The following TMC4 variants were observed in gnomAD, a reference collection of about 807,000 sequenced individuals.
TMC4 encodes transmembrane channel like 4, also known as voltage-gated chloride channel TMC4.
TMC4 carries 70 observed loss-of-function variants against 82.0 expected under a neutral mutation model. The ratio of observed to expected loss-of-function variants is 0.85; its 90% CI spans 0.70 to 1.04. The LOEUF (loss-of-function observed/expected upper bound fraction) is 1.04. Among genes scored for constraint, TMC4 ranks in the 50% least tolerant of loss-of-function variants. The probability of loss-of-function intolerance (pLI) is 0.00; values close to 1 mark genes in which losing one functional copy is unlikely to be tolerated. For missense variants in TMC4, 879 were observed against 899.0 expected (o/e 0.98, Z 0.28); for synonymous variants, 446 against 406.0 (o/e 1.10, Z -1.18).
chr19:54,168,014 G>A (rs1445500667), intron 5 of TMC4, among the ~76,000 whole-genome samples, 157 bp downstream of exon 5: 1 of 150,994 alleles, frequency 6.6e-6, no homozygotes, highest in Non-Finnish European at 1.5e-5. Context: ...AGTGAGCCGA[G>A]ATTGCGCCAC....
At chr19:54,161,287 G>A (rs753395968) in intron 11 of TMC4, 27 bp from the exon 12 acceptor site, 3 of 1,488,566 alleles carry the variant, frequency 2.0e-6, no homozygotes, top group Non-Finnish European at 2.7e-6. Context: ...CGGAGAAAAG[G>A]GCTCTGAAAC....
Position 54,168,303 on chromosome 19 carries a change from A to G in TMC4, c.676-11T>C. On this transcript the variant is annotated splice_polypyrimidine_tract_variant and intron_variant, in intron 4 of 14. Coordinates refer to ENST00000619895, the MANE Select transcript of TMC4 (RefSeq NM_144686.4). ...CCATTCCAGGTAACCCTGTGGGGGG[A>G]AGGCGGCGCAGGGGCCACTGTGGGA... 6.5e-7 allele frequency: 1 copy of G among 1,549,236 alleles called. No individual in the cohort carries two copies.
intron 2 of TMC4, 78 bp downstream of exon 2, chr19:54,171,792 G>A (rs1340448818): frequency 4.4e-6 from 6 of 1,349,706 alleles, no homozygotes; most frequent in Non-Finnish European, 6.0e-6. Context: ...AGAGGACAGA[G>A]GGAGGAGACC....
At chr19:54,172,258 C>A (rs2075918871) in intron 1 of TMC4, among the ~76,000 whole-genome samples, 175 bp from the exon 2 acceptor site, 5 of 27,014 alleles carry the variant, frequency 1.9e-4, no homozygotes, top group African/African-American at 7.0e-4. Context: ...TCCCTCAGAC[C>A]CAGGAGTCCA....
chr19:54,165,273 C>T, intron 6 of TMC4, 146 bp downstream of exon 6: 1 of 980,526 alleles, frequency 1.0e-6, no homozygotes, highest in Non-Finnish European at 1.4e-6. Flanking sequence ...TCTCAACCTT[C>T]TCATTCCCCA....
chr19:54,168,368 G>T, intron 4 of TMC4, 76 bp from the exon 5 acceptor site: 1 of 1,525,052 alleles, frequency 6.6e-7, no homozygotes. Flanking sequence ...AGGGTCTGGG[G>T]TCAGGGTTTG....
chr19:54,164,862 T>A, intron 6 of TMC4: 2 of 561,510 alleles, frequency 3.6e-6, no homozygotes, highest in Non-Finnish European at 3.1e-6. Context: ...GCCCCGCCCC[T>A]GAGGCTCCGC....
intron 3 of TMC4, 41 bp downstream of exon 3, chr19:54,169,471 C>A: frequency 1.3e-6 from 2 of 1,586,834 alleles, no homozygotes; most frequent in Non-Finnish European, 1.7e-6. Context: ...ACCCAGGAGT[C>A]CAGGCCCTGC....
chr19:54,165,962 C>T (rs1013138619), intron 5 of TMC4, among the ~76,000 whole-genome samples: 10 of 152,086 alleles, frequency 6.6e-5, no homozygotes, highest in African/African-American at 2.4e-4. Flanking sequence ...AAAGGGGAAA[C>T]TACATCTACA....
At position 54,172,082 on chromosome 19, in the gene TMC4, G is replaced by T; in HGVS notation, c.81C>A (p.Gly27=). Reference sequence around the variant, plus strand: ...CGTTCAGCACAGAAGACAGCGATGGGCCTGGGGAGGAGCAGGGGGCTGGGA... The same window carrying T: ...CGTTCAGCACAGAAGACAGCGATGGTCCTGGGGAGGAGCAGGGGGCTGGGA... ...EWLAPREARG[G]PSLSSVLNEL... The change falls in exon 2 of 15, where the codon GGC becomes GGA. Residue 27 remains glycine, a splice_region_variant and synonymous_variant. Transcript: ENST00000619895. The T allele has an allele frequency of 6.4e-7, 1 of 1,571,758 alleles. No homozygotes were observed.
chr19:54,169,531 C>G lies in TMC4; in HGVS notation c.423G>C (p.Trp141Cys), dbSNP rs147493600. 5.6e-6 allele frequency: 9 copies of G among 1,613,242 alleles called. No individual in the cohort carries two copies. The highest frequency in any genetic ancestry group is 1.3e-5 in the African/African-American group (1 of 74,884). Residue 141 changes from tryptophan to cysteine, a missense_variant, in exon 3 of 15, where the codon TGG (tryptophan) becomes TGC (cysteine). By Grantham distance (215) the Trp-to-Cys change is radical. Coordinates refer to ENST00000619895, the MANE Select transcript of TMC4 (RefSeq NM_144686.4). ...CCGCACCCCCGATCCTCTTCAGTGT[C>G]CACGCCCAGGGCTGCAGGCTTCGCA... ...EGLRSLQPWA[W>C]TLKRIGGQFG...
intron 3 of TMC4, 66 bp downstream of exon 3, chr19:54,169,446 C>T: frequency 1.3e-6 from 2 of 1,532,722 alleles, no homozygotes; most frequent in Admixed American, 2.0e-5. Flanking sequence ...CCGTCCCCAG[C>T]CCCTCCTCCC....
chr19:54,162,348 C>G (rs992792027), intron 10 of TMC4, 63 bp from the exon 11 acceptor site: 8 of 1,283,620 alleles, frequency 6.2e-6, no homozygotes, highest in Non-Finnish European at 7.1e-6. Flanking sequence ...TTCCACGCCT[C>G]CACCGCCCCG....
chr19:54,172,702 G>T, intron 1 of TMC4: 1 of 293,712 alleles, frequency 3.4e-6, no homozygotes, highest in Non-Finnish European at 6.2e-6. Flanking sequence ...CCCAAGCGTG[G>T]AACCCTCCTA....
rs1255211012 is a variant in TMC4 at position 54,168,844 on chromosome 19, TTTC to T, written c.443-167_443-165del. 8.9e-5 allele frequency among the ~76,000 whole-genome samples: 3 copies of T among 33,662 alleles called. 1 individual carries two copies. The highest frequency in any genetic ancestry group is 1.6e-4 in the Non-Finnish European group (3 of 19,260). The allele number at this position is 33,662 out of a possible 152,430, so 22.1% of individuals were successfully genotyped here. On this transcript the variant is annotated intron_variant, in intron 3 of 14. Transcript: ENST00000619895. ...TTTCTTTTCTTTTCTTTTCTTTTCT[TTTC>T]TTTTCTTTTCTTTTCTTTTCTTTTC...
chr19:54,172,012 GCACCCCA>G lies in TMC4; in HGVS notation c.144_150del (p.Gly49CysfsTer93). 1 of 1,613,212 alleles carries G rather than the reference GCACCCCA, an allele frequency of 6.2e-7. No individual in the cohort carries two copies. The highest frequency in any genetic ancestry group is 1.1e-5 in the South Asian group (1 of 90,982). On this transcript the variant is annotated frameshift_variant, in exon 2 of 15. Transcript: ENST00000619895. LOFTEE classifies it high-confidence loss of function. ...TCCTCCTCCAGCGCCCCCCAAGGCA[GCACCCCA>G]GGGTCTCGGTACCGAAGGGTGGCAG...
Position 54,169,602 on chromosome 19 carries a change from A to G in TMC4, c.352T>C (p.Trp118Arg), listed in dbSNP as rs920951588. 3.1e-6 allele frequency: 5 copies of G among 1,613,816 alleles called. No individual in the cohort carries two copies. The highest frequency in any genetic ancestry group is 2.7e-5 in the African/African-American group (2 of 74,864). ...TTGGACCTCCGAAGTAGCCGCGCCC[A>G]TCGGTCCGTCTTAGTTCCAGAGCCA... ...VYGSGTKTDR[W>R]ARLLRRSKEK... is the part of the protein sequence containing the mutation. The change falls in exon 3 of 15, where the codon TGG (tryptophan) becomes CGG (arginine). Residue 118 changes from tryptophan (W) to arginine (R), a missense_variant. Transcript: ENST00000619895.
chr19:54,171,869 C>A lies in TMC4; in HGVS notation c.293+1G>T. 1.9e-6 allele frequency: 3 copies of A among 1,596,890 alleles called. No individual in the cohort carries two copies. Among genetic ancestry groups the A allele is most frequent in the South Asian group, 2.3e-5 (2 of 88,322 alleles). On this transcript the variant is annotated splice_donor_variant, in intron 2 of 14. Coordinates refer to ENST00000619895, the MANE Select transcript of TMC4 (RefSeq NM_144686.4). LOFTEE classifies it high-confidence loss of function. ...GGTCCCAGCTGGAGGTGGGGCCTCA[C>A]CTGTGTGCCCGTCTGGCCTGCATGG...
rs2075775633 is a variant in TMC4, at chr19:54,168,793, C to CTTTCCT, written c.443-114_443-113insAGGAAA. On this transcript the variant is annotated intron_variant, in intron 3 of 14. Coordinates refer to ENST00000619895, the MANE Select transcript of TMC4 (RefSeq NM_144686.4). ...TTCCTTTCTTTCTTTCTTTTCTTTT[C>CTTTCCT]TTTCTTTTCTTTTCTTTTCTTTTCT... 1.4e-4 allele frequency: 13 copies of CTTTCCT among 92,038 alleles called. 5 individuals carry two copies. The highest frequency in any genetic ancestry group is 1.7e-4 in the Non-Finnish European group (11 of 63,758). The allele number at this position is 92,038 out of a possible 1,614,324, so 5.7% of individuals were successfully genotyped here. A position where few individuals can be genotyped will look rare whatever the true frequency, so the allele number is the denominator to read the frequency against.
Sources: gnomAD v4.1 joint callset for allele counts (sites outside exome capture counted in the v4.1 genomes callset) on GRCh38, gnomAD v4.1.1 for gene constraint, MANE v1.5 for transcripts, NCBI Gene and HGNC (gene_info 2026-07-23, HGNC 2026-07-21) for gene names.